Variants in PPP1R36 observed in about 807,000 individuals in gnomAD.
The protein encoded by PPP1R36 is protein phosphatase 1 regulatory subunit 36, also known as chromosome 14 open reading frame 50.
A neutral mutation model predicts 53.4 loss-of-function variants in PPP1R36; 47 were observed. The observed-to-expected ratio is 0.88, with a 90% CI of 0.70 to 1.12. The LOEUF (loss-of-function observed/expected upper bound fraction) is 1.12, where lower values mean the gene tolerates loss of function less well. Ranked by LOEUF, PPP1R36 falls within the 50% of genes most tolerant of loss-of-function variation. The pLI, the probability that PPP1R36 is intolerant of heterozygous loss-of-function variation, is 0.00. For synonymous variants in PPP1R36, 153 were observed against 170.5 expected (o/e 0.90, Z 0.80); for missense variants, 456 against 513.9 (o/e 0.89, Z 1.09).
At chr14:64,566,259 C>A (rs1207391984) in intron 6 of PPP1R36, among the ~76,000 whole-genome samples, 1 of 151,794 alleles carries the variant, frequency 6.6e-6, no homozygotes, top group Non-Finnish European at 1.5e-5. Context: ...CAGAGCAAGA[C>A]TCTCTCAGAC....
chr14:64,573,913 CAAAAAAAAAAAAAA>C (rs35427371), intron 7 of PPP1R36, among the ~76,000 whole-genome samples: 155 of 32,538 alleles, frequency 4.8e-3, no homozygotes, highest in African/African-American at 0.02. Flanking sequence ...GACTCTGTCT[CAAAAAAAAAAAAAA>C]AAAAAAAAAA....
At chr14:64,585,947 T>G (rs2080430042) in intron 8 of PPP1R36, among the ~76,000 whole-genome samples, 1 of 152,112 alleles carries the variant, frequency 6.6e-6, no homozygotes, top group Non-Finnish European at 1.5e-5. Flanking sequence ...GTATTCTTTT[T>G]TTTTCTTTTT....
intron 11 of PPP1R36, 178 bp downstream of exon 11, chr14:64,588,473 AC>A (rs1479597717): frequency 1.9e-6 from 1 of 527,648 alleles, no homozygotes; most frequent in African/African-American, 1.9e-5. Flanking sequence ...ATCTTGAGGT[AC>A]ACCCATCTAG....
At chr14:64,587,932 G>T (rs1246719811) in intron 10 of PPP1R36, among the ~76,000 whole-genome samples, 172 bp from the exon 11 acceptor site, 1 of 151,978 alleles carries the variant, frequency 6.6e-6, no homozygotes, top group African/African-American at 2.4e-5. Flanking sequence ...TTGTAGAGAC[G>T]GGGGTCTTGC....
At chr14:64,587,543 G>A (rs1006463069) in intron 10 of PPP1R36, among the ~76,000 whole-genome samples, 171 bp downstream of exon 10, 2 of 124,922 alleles carry the variant, frequency 1.6e-5, no homozygotes, top group Admixed American at 1.0e-4. Flanking sequence ...TTACTGCAAC[G>A]TCCGACTCCT....
chr14:64,566,864 T>G (rs543434108), intron 6 of PPP1R36, among the ~76,000 whole-genome samples: 1 of 152,370 alleles, frequency 6.6e-6, no homozygotes, highest in African/African-American at 2.4e-5. Flanking sequence ...TTCAGTGCCC[T>G]GCTGGTGGAG....
intron 7 of PPP1R36, among the ~76,000 whole-genome samples, chr14:64,568,679 G>T (rs974112176): frequency 1.3e-5 from 2 of 152,168 alleles, no homozygotes; most frequent in South Asian, 2.1e-4. Context: ...ATGAGATAAT[G>T]AAAGCCATGT....
At position 64,565,355 on chromosome 14, in the gene PPP1R36, AG is replaced by A. The variant is rs1259624385; in HGVS notation, c.270del. The A allele has an allele frequency of 6.2e-7, 1 of 1,607,518 alleles. No homozygotes were observed. Among genetic ancestry groups the A allele is most frequent in the Non-Finnish European group, 8.5e-7 (1 of 1,175,424 alleles). On this transcript the variant is annotated splice_acceptor_variant, in intron 4 of 11. Coordinates refer to ENST00000298705, the MANE Select transcript of PPP1R36 (RefSeq NM_172365.3). LOFTEE classifies it high-confidence loss of function. ...ACTAGAAACTGTTATATTCCAAAAC[AG>A]GTTGACAGATAAAAGACTTGCTGCA...
intron 4 of PPP1R36, 55 bp from the exon 5 acceptor site, chr14:64,565,302 A>C (rs2080240760): frequency 8.0e-7 from 1 of 1,254,656 alleles, no homozygotes; most frequent in Non-Finnish European, 1.1e-6. Flanking sequence ...AGGATAGATT[A>C]AATACAACTA....
At chr14:64,576,977 C>A (rs1214904421) in intron 8 of PPP1R36, among the ~76,000 whole-genome samples, 1 of 152,150 alleles carries the variant, frequency 6.6e-6, no homozygotes, top group African/African-American at 2.4e-5. Flanking sequence ...ATGTTTTAGC[C>A]TGTTTGGGTT....
Position 64,564,816 on chromosome 14 carries a change from C to G in PPP1R36, c.248C>G (p.Thr83Ser), listed in dbSNP as rs6573560. 67 of 1,607,616 alleles carry G rather than the reference C, an allele frequency of 4.2e-5. No individual in the cohort carries two copies. The highest frequency in any genetic ancestry group is 5.7e-5 in the Non-Finnish European group (67 of 1,177,538). Residue 83 changes from threonine to serine, a missense_variant, in exon 4 of 12, where the codon ACT becomes AGT. Coordinates refer to ENST00000298705, the MANE Select transcript of PPP1R36 (RefSeq NM_172365.3). ...GGCAAAGCAGTTCACTTTGCAGAAA[C>G]TGATGGTCCAGCTTCAGACAGGTAG... is the stretch of plus-strand genomic sequence containing the variant. ...KKGKAVHFAE[T>S]DGPASDRLTD...
chr14:64,588,029 C>G, intron 10 of PPP1R36, 75 bp from the exon 11 acceptor site: 1 of 1,382,696 alleles, frequency 7.2e-7, no homozygotes, highest in South Asian at 1.4e-5. Context: ...CAGGCATGAG[C>G]CACTGCACCT....
chr14:64,573,913 C>CAAAAAA (rs35427371), intron 7 of PPP1R36, among the ~76,000 whole-genome samples: 9 of 32,534 alleles, frequency 2.8e-4, no homozygotes, highest in East Asian at 1.2e-3. Flanking sequence ...GACTCTGTCT[C>CAAAAAA]AAAAAAAAAA....
At chr14:64,589,114 C>G in intron 11 of PPP1R36, 38 bp from the exon 12 acceptor site, 3 of 1,531,786 alleles carry the variant, frequency 2.0e-6, no homozygotes, top group Non-Finnish European at 2.7e-6. Flanking sequence ...CAGTCTTTGG[C>G]CTCATCACTT....
intron 8 of PPP1R36, among the ~76,000 whole-genome samples, chr14:64,583,179 C>G (rs1438956730): frequency 6.6e-6 from 1 of 150,936 alleles, no homozygotes; most frequent in Non-Finnish European, 1.5e-5. Flanking sequence ...TTCCAAAGCG[C>G]TAGAATTACA....
chr14:64,564,770 G>A lies in PPP1R36; in HGVS notation c.202G>A (p.Val68Ile). ...HHPHFTPAAE[V>I]KEKGKKGKAV... ...TTGCAGTTTTACACCTGCAGCAGAA[G>A]TCAAGGAAAAAGGAAAGAAAGGCAA... Residue 68 changes from valine (V) to isoleucine (I), a missense_variant, in exon 4 of 12, where the codon GTC (valine) becomes ATC (isoleucine). Val to Ile is a conservative substitution (Grantham distance 29). Transcript: ENST00000298705. 1 of 1,610,992 alleles carries A rather than the reference G, an allele frequency of 6.2e-7. No individual in the cohort carries two copies. Among genetic ancestry groups the A allele is most frequent in the South Asian group, 1.1e-5 (1 of 90,570 alleles).
intron 8 of PPP1R36, among the ~76,000 whole-genome samples, chr14:64,580,547 A>G (rs1187030422): frequency 6.6e-6 from 1 of 152,246 alleles, no homozygotes; most frequent in Non-Finnish European, 1.5e-5. Context: ...GCCTCTGGTT[A>G]GCACTAGCTC....
At chr14:64,571,110 CTGTT>C (rs10638013) in intron 7 of PPP1R36, among the ~76,000 whole-genome samples, 21,209 of 150,392 alleles carry the variant, frequency 0.14, 1,689 homozygotes, top group African/African-American at 0.23. Context: ...TATGTATGTA[CTGTT>C]TGTTTGTTTG....
intron 7 of PPP1R36, among the ~76,000 whole-genome samples, chr14:64,571,148 C>T (rs999966367): frequency 1.3e-4 from 18 of 139,818 alleles, no homozygotes; most frequent in African/African-American, 4.3e-4. Flanking sequence ...TTGTTTGAAA[C>T]GGAGTCTTGC....
Sources: allele counts gnomAD v4.1 joint callset (sites outside exome capture counted in the v4.1 genomes callset), GRCh38; gene constraint gnomAD v4.1.1; transcripts MANE v1.5; gene names NCBI Gene and HGNC (gene_info 2026-07-23, HGNC 2026-07-21).